FGD1: variants seen among roughly 807,000 people sequenced by gnomAD.
FGD1 encodes the protein FYVE, RhoGEF and PH domain-containing protein 1.
Under a neutral mutation model 65.0 loss-of-function variants are expected in FGD1, and 12 were observed. The ratio of observed to expected loss-of-function variants is 0.18; its 90% CI spans 0.12 to 0.30. The LOEUF is 0.30. Ranked by LOEUF, FGD1 falls within the 10% of genes least tolerant of loss-of-function variation. The pLI is 1.00. For synonymous variants in FGD1, 333 were observed against 343.9 expected, an observed-to-expected ratio of 0.97 and a Z score of 0.35; for missense variants, 542 against 837.6, an observed-to-expected ratio of 0.65 and a Z score of 4.36.
intron 10 of FGD1, 86 bp downstream of exon 10, chrX:54,456,134 A>C: frequency 9.7e-7 from 1 of 1,028,006 alleles, no homozygotes; most frequent in Non-Finnish European, 1.4e-6. Context: ...GAAAGGAGGT[A>C]TAGTCTTTGA....
At chrX:54,471,050 G>A (rs747493973) in intron 2 of FGD1, among the ~76,000 whole-genome samples, 1 of 107,355 alleles carries the variant, frequency 9.3e-6, no homozygotes, top group East Asian at 2.9e-4. Context: ...GTGGCTGGCT[G>A]TCATGGCCAG....
intron 12 of FGD1, among the ~76,000 whole-genome samples, chrX:54,452,509 A>T (rs1384854795): frequency 3.6e-5 from 4 of 110,646 alleles, no homozygotes; most frequent in African/African-American, 1.3e-4. Flanking sequence ...GCACTTTGGG[A>T]GGCCGAGCCG....
intron 8 of FGD1, among the ~76,000 whole-genome samples, chrX:54,461,600 CAAAAAAAAAAAAA>C (rs1165040158): frequency 6.1e-4 from 11 of 18,057 alleles, no homozygotes; most frequent in Admixed American, 1.8e-3. Context: ...GACTCTGTCT[CAAAAAAAAAAAAA>C]AAAAAAAAAA....
intron 1 of FGD1, among the ~76,000 whole-genome samples, chrX:54,480,361 A>G (rs1275850930): frequency 2.7e-5 from 3 of 111,926 alleles, no homozygotes; most frequent in African/African-American, 6.5e-5. Flanking sequence ...TCATGACAAA[A>G]CAGAAGACTG....
intron 1 of FGD1, among the ~76,000 whole-genome samples, chrX:54,476,611 A>G (rs1052554052): frequency 2.9e-5 from 3 of 104,926 alleles, no homozygotes; most frequent in African/African-American, 1.1e-4. Context: ...CTCTGCCTCC[A>G]AAAGTGCTGA....
At chrX:54,461,954 C>G (rs1258434386) in intron 8 of FGD1, among the ~76,000 whole-genome samples, 1 of 111,303 alleles carries the variant, frequency 9.0e-6, no homozygotes, top group Admixed American at 9.6e-5. Context: ...GGACCTCAAG[C>G]TGAAGGCTCT....
At chrX:54,487,827 G>C (rs1401341563) in intron 1 of FGD1, among the ~76,000 whole-genome samples, 5 of 110,276 alleles carry the variant, frequency 4.5e-5, no homozygotes, top group African/African-American at 1.7e-4. Flanking sequence ...GCGGGCGCCT[G>C]TAATCCCAGC....
Position 54,466,847 on chromosome X carries a change from T to A in FGD1, c.1340+937A>T, listed in dbSNP as rs996205944. Among the ~76,000 whole-genome samples the A allele has an allele frequency of 1.7e-4, 19 of 109,364 alleles. No individual in the cohort carries two copies. The Admixed American group carries it at 1.8e-3, about 10-fold the overall frequency. The allele number at this position is 109,364 out of a possible 115,157, so 95.0% of individuals were successfully genotyped here. On this transcript the variant is annotated intron_variant, in intron 6 of 17. Transcript: ENST00000375135. ...TCACTGCAAGCTCCACCTCCCAGGT[T>A]CACACCATTCTCCTGCTTCAGCCTC...
At chrX:54,475,794 G>A (rs1322066079) in intron 1 of FGD1, among the ~76,000 whole-genome samples, 1 of 112,380 alleles carries the variant, frequency 8.9e-6, no homozygotes, top group Non-Finnish European at 1.9e-5. Flanking sequence ...TAGGCCGGGC[G>A]CGGTGGCTCA....
intron 1 of FGD1, among the ~76,000 whole-genome samples, chrX:54,488,798 A>C (rs1923349113): frequency 9.0e-6 from 1 of 111,218 alleles, no homozygotes; most frequent in Non-Finnish European, 1.9e-5. Flanking sequence ...AGCAATAGGG[A>C]AAGGACTCCC....
In FGD1 at chrX:54,491,334, A is replaced by T. The variant is rs188623660; in HGVS notation, c.307+3792T>A. ...AGAATGGCAACTGCCTTCCAATTTG[A>T]ACTGCCAAATGGTAGCCATTCACGA... On this transcript the variant is annotated intron_variant, in intron 1 of 17. Transcript: ENST00000375135. Among the ~76,000 whole-genome samples the T allele has an allele frequency of 4.9e-4, 55 of 112,245 alleles. No individual in the cohort carries two copies. The East Asian group carries it at 0.014, about 28-fold the overall frequency.
intron 1 of FGD1, among the ~76,000 whole-genome samples, chrX:54,479,271 T>C (rs1281932986): frequency 9.0e-6 from 1 of 111,457 alleles, no homozygotes; most frequent in Non-Finnish European, 1.9e-5. Context: ...CAACCCTTCC[T>C]GGGAATCTCA....
At chrX:54,481,365 T>C (rs1923138122) in intron 1 of FGD1, among the ~76,000 whole-genome samples, 1 of 104,978 alleles carries the variant, frequency 9.5e-6, no homozygotes, top group African/African-American at 3.5e-5. Context: ...ACTCAAGCTG[T>C]TCACTTTTTA....
chrX:54,471,813 G>A (rs1030058425), intron 1 of FGD1, among the ~76,000 whole-genome samples: 3 of 112,107 alleles, frequency 2.7e-5, no homozygotes, highest in Non-Finnish European at 3.8e-5. Context: ...TTATACATGC[G>A]TTTGCAGCCC....
rs1468845178 is a variant in FGD1, at chrX:54,483,710, C to T, written c.307+11416G>A. 3.6e-5 allele frequency among the ~76,000 whole-genome samples: 4 copies of T among 111,384 alleles called. 1 individual carries two copies. ...CTCCTCAGCCTCAGCACATCGTGAA[C>T]GACACTCCTACCCCAGCCCCGGTCT... On this transcript the variant is annotated intron_variant, in intron 1 of 17. Coordinates refer to ENST00000375135, the MANE Select transcript of FGD1 (RefSeq NM_004463.3).
At chrX:54,489,678 G>A (rs1182327955) in intron 1 of FGD1, among the ~76,000 whole-genome samples, 1 of 111,993 alleles carries the variant, frequency 8.9e-6, no homozygotes, top group Non-Finnish European at 1.9e-5. Context: ...TTACTAAAAA[G>A]TCAAAAAATA....
chrX:54,481,484 A>G (rs1923142559), intron 1 of FGD1, among the ~76,000 whole-genome samples: 1 of 98,002 alleles, frequency 1.0e-5, no homozygotes. Flanking sequence ...GTGAGCTATT[A>G]CCCATTTTAC....
At position 54,471,491 on chromosome X, in the gene FGD1, C is replaced by T. The variant is rs886864469; in HGVS notation, c.308-4G>A. 1 of 1,209,436 alleles carries T rather than the reference C, an allele frequency of 8.3e-7. No individual in the cohort carries two copies. Among genetic ancestry groups the T allele is most frequent in the African/African-American group, 1.7e-5 (1 of 57,793 alleles). On this transcript the variant is annotated splice_region_variant and splice_polypyrimidine_tract_variant and intron_variant, in intron 1 of 17. Coordinates refer to ENST00000375135, the MANE Select transcript of FGD1 (RefSeq NM_004463.3). ...ATCCGGTTTCCCTGGTGCAGCCCTG[C>T]AGGAAGGGAGAAAATGGGTGTGAAG...
intron 1 of FGD1, among the ~76,000 whole-genome samples, chrX:54,472,755 A>G (rs566791985): frequency 2.7e-4 from 30 of 111,223 alleles, no homozygotes; most frequent in Middle Eastern, 4.6e-3. Context: ...TTCATCCTGT[A>G]GCAGAAGGGA....
Sources: gnomAD v4.1 joint callset for allele counts (sites outside exome capture counted in the v4.1 genomes callset) on GRCh38, gnomAD v4.1.1 for gene constraint, MANE v1.5 for transcripts, NCBI Gene and HGNC (gene_info 2026-07-23, HGNC 2026-07-21) for gene names.